The following MECOM variants were observed in gnomAD, a reference collection of about 807,000 sequenced individuals.
The protein encoded by MECOM is MDS1 and EVI1 complex locus, also known as histone-lysine N-methyltransferase MECOM.
Under a neutral mutation model 116.3 loss-of-function variants are expected in MECOM, and 13 were observed. That is an observed-to-expected ratio of 0.11 (90% CI 0.07 to 0.18). The LOEUF is 0.18. Ranked by LOEUF, MECOM falls within the 10% of genes least tolerant of loss-of-function variation. The probability of loss-of-function intolerance (pLI) is 1.00; values close to 1 mark genes in which losing one functional copy is unlikely to be tolerated. For synonymous variants in MECOM, 528 were observed against 535.2 expected (o/e 0.99, Z 0.19); for missense variants, 1,299 against 1,509.0 (o/e 0.86, Z 2.31).
intron 2 of MECOM, among the ~76,000 whole-genome samples, chr3:169,320,205 C>T (rs889699418): frequency 2.6e-5 from 4 of 152,192 alleles, no homozygotes; most frequent in Admixed American, 1.3e-4. Flanking sequence ...AGAATTTGAG[C>T]TTTTGGATGG....
intron 1 of MECOM, among the ~76,000 whole-genome samples, chr3:169,612,654 A>G (rs1769433379): frequency 6.6e-6 from 1 of 151,986 alleles, no homozygotes; most frequent in Non-Finnish European, 1.5e-5. Context: ...TTGAACCAGG[A>G]AATTGTGTTT....
At chr3:169,211,976 C>A (rs1244537987) in intron 2 of MECOM, among the ~76,000 whole-genome samples, 1 of 152,116 alleles carries the variant, frequency 6.6e-6, no homozygotes, top group African/African-American at 2.4e-5. Context: ...GCTCCACCTG[C>A]CATCTGTTTT....
chr3:169,145,164 A>T, intron 2 of MECOM: 1 of 488,566 alleles, frequency 2.0e-6, no homozygotes, highest in Middle Eastern at 3.5e-4. Flanking sequence ...ACACACACAC[A>T]CACACACACA....
At chr3:169,647,547 T>A (rs1375681533) in intron 1 of MECOM, among the ~76,000 whole-genome samples, 1 of 152,058 alleles carries the variant, frequency 6.6e-6, no homozygotes, top group African/African-American at 2.4e-5. Context: ...CCTGTAAACA[T>A]CCACACCAAA....
chr3:169,324,528 G>T (rs1212041727), intron 2 of MECOM, among the ~76,000 whole-genome samples: 2 of 152,202 alleles, frequency 1.3e-5, no homozygotes, highest in Non-Finnish European at 2.9e-5. Flanking sequence ...AACTCTCTGG[G>T]TAGAGGGAAG....
At chr3:169,566,402 A>G (rs543253301) in intron 1 of MECOM, among the ~76,000 whole-genome samples, 1 of 152,268 alleles carries the variant, frequency 6.6e-6, no homozygotes, top group African/African-American at 2.4e-5. Context: ...GAGCTTAAGG[A>G]AGCACTCTTT....
chr3:169,598,701 C>T (rs1451917681), intron 1 of MECOM, among the ~76,000 whole-genome samples: 2 of 152,140 alleles, frequency 1.3e-5, no homozygotes, highest in African/African-American at 4.8e-5. Flanking sequence ...GCAATTTGCA[C>T]CGCAGTTGGT....
chr3:169,394,848 A>C (rs1734777528), intron 1 of MECOM, among the ~76,000 whole-genome samples: 1 of 152,108 alleles, frequency 6.6e-6, no homozygotes, highest in African/African-American at 2.4e-5. Flanking sequence ...TTTTAAATTA[A>C]CCCTCCTGGA....
At position 169,182,515 on chromosome 3, in the gene MECOM, T is replaced by G. The variant is rs561976499; in HGVS notation, c.376-38683A>C. Among the ~76,000 whole-genome samples the G allele has an allele frequency of 3.2e-4, 49 of 152,338 alleles. 1 individual carries two copies. The highest frequency in any genetic ancestry group is 1.1e-3 in the African/African-American group (47 of 41,590). On this transcript the variant is annotated intron_variant, in intron 2 of 16. Coordinates refer to ENST00000651503, the MANE Select transcript of MECOM (RefSeq NM_004991.4). The stretch of plus-strand genomic sequence containing the variant: ...TGAGTCTACGTTTACAGGGATGCTA[T>G]CTAACAACTTCAATTACATTCAGCC...
At position 169,638,382 on chromosome 3, in the gene MECOM, C is replaced by A. The variant is rs537972919; in HGVS notation, c.37+24954G>T. ...CATGAACACATTCTCCAGGTTTATCCCCAGCAGTCCTCCTACACATGACTG... is the reference window on the plus strand; with the variant it reads ...CATGAACACATTCTCCAGGTTTATCACCAGCAGTCCTCCTACACATGACTG... On this transcript the variant is annotated intron_variant, in intron 1 of 16. Coordinates refer to ENST00000651503, the MANE Select transcript of MECOM (RefSeq NM_004991.4). Among the ~76,000 whole-genome samples, 4 of 152,110 alleles carry A rather than the reference C, an allele frequency of 2.6e-5. No homozygotes were observed. The East Asian group carries it at 5.8e-4, about 22-fold the overall frequency.
chr3:169,256,796 C>T (rs949487653), intron 2 of MECOM, among the ~76,000 whole-genome samples: 3 of 152,206 alleles, frequency 2.0e-5, no homozygotes, highest in Admixed American at 1.3e-4. Flanking sequence ...CTGCTCCTAC[C>T]TTCTCATATG....
intron 1 of MECOM, among the ~76,000 whole-genome samples, chr3:169,586,956 A>G (rs1412947461): frequency 6.6e-6 from 1 of 152,220 alleles, no homozygotes; most frequent in Admixed American, 6.5e-5. Context: ...ATTAAGTCAC[A>G]TTTATTGAGG....
At chr3:169,518,762 T>C (rs1047296750) in intron 1 of MECOM, among the ~76,000 whole-genome samples, 1 of 152,156 alleles carries the variant, frequency 6.6e-6, no homozygotes, top group African/African-American at 2.4e-5. Flanking sequence ...TGGGAGGTGA[T>C]TGAATTATGG....
intron 2 of MECOM, among the ~76,000 whole-genome samples, chr3:169,343,074 A>G (rs1156519128): frequency 6.6e-6 from 1 of 152,158 alleles, no homozygotes; most frequent in Non-Finnish European, 1.5e-5. Flanking sequence ...GAAAATGGGC[A>G]AAGAAAGGAA....
chr3:169,142,706 C>T (rs889877951), intron 3 of MECOM, among the ~76,000 whole-genome samples: 4 of 151,830 alleles, frequency 2.6e-5, no homozygotes, highest in African/African-American at 9.7e-5. Flanking sequence ...GTAGCTGGTA[C>T]GATGCCAAAG....
intron 2 of MECOM, among the ~76,000 whole-genome samples, chr3:169,155,676 T>C (rs1741856867): frequency 6.6e-6 from 1 of 152,120 alleles, no homozygotes; most frequent in Non-Finnish European, 1.5e-5. Context: ...CAAAATGCAA[T>C]CTCCTCTTTT....
intron 2 of MECOM, among the ~76,000 whole-genome samples, chr3:169,207,451 T>G (rs1276713525): frequency 6.6e-6 from 1 of 152,168 alleles, no homozygotes; most frequent in African/African-American, 2.4e-5. Context: ...TAAGAAACTA[T>G]TTTTAATAAT....
At chr3:169,309,746 TG>T (rs1294957552) in intron 2 of MECOM, among the ~76,000 whole-genome samples, 1 of 152,146 alleles carries the variant, frequency 6.6e-6, no homozygotes, top group Non-Finnish European at 1.5e-5. Context: ...AAGCACTAAC[TG>T]GAGAGTCAGG....
At chr3:169,114,149 C>T (rs979288086) in intron 8 of MECOM, among the ~76,000 whole-genome samples, 1 of 151,652 alleles carries the variant, frequency 6.6e-6, no homozygotes, top group African/African-American at 2.4e-5. Flanking sequence ...CGACTTTACC[C>T]GAAATGTGTG....
Sources: allele counts gnomAD v4.1 joint callset (sites outside exome capture counted in the v4.1 genomes callset), GRCh38; gene constraint gnomAD v4.1.1; transcripts MANE v1.5; gene names NCBI Gene and HGNC (gene_info 2026-07-23, HGNC 2026-07-21).